Variants in CRACR2A observed in about 807,000 individuals in gnomAD.
CRACR2A encodes calcium release activated channel regulator 2A.
Under a neutral mutation model 90.5 loss-of-function variants are expected in CRACR2A, and 79 were observed. The ratio of observed to expected loss-of-function variants is 0.87; its 90% CI spans 0.73 to 1.05. CRACR2A has a LOEUF of 1.05. Among genes scored for constraint, CRACR2A ranks in the 50% least tolerant of loss-of-function variants. The probability of loss-of-function intolerance (pLI) is 0.00; values close to 1 mark genes in which losing one functional copy is unlikely to be tolerated. For synonymous variants in CRACR2A, 338 were observed against 356.7 expected (o/e 0.95, Z 0.59); for missense variants, 823 against 897.2 (o/e 0.92, Z 1.06).
At chr12:3,732,418 T>G (rs1946374616) in intron 2 of CRACR2A, 2 of 152,356 alleles carry the variant, frequency 1.3e-5, no homozygotes, top group African/African-American at 4.8e-5. Context: ...AATTGCACTG[T>G]GCTCCCAGCT....
At chr12:3,647,753 A>G (rs779240501) in intron 11 of CRACR2A, among the ~76,000 whole-genome samples, 8 of 152,172 alleles carry the variant, frequency 5.3e-5, no homozygotes, top group Non-Finnish European at 1.2e-4. Context: ...CCTTCATAAC[A>G]TAACTAGGAA....
intron 15 of CRACR2A, among the ~76,000 whole-genome samples, chr12:3,628,135 A>C (rs1306153649): frequency 2.6e-3 from 189 of 71,732 alleles, no homozygotes; most frequent in African/African-American, 3.8e-3. Context: ...CCCTTCCTTC[A>C]CCCTTCCTCC....
At chr12:3,680,090 G>A in intron 5 of CRACR2A, 148 bp downstream of exon 5, 1 of 609,992 alleles carries the variant, frequency 1.6e-6, no homozygotes, top group Admixed American at 2.8e-5. Context: ...GCAATCTAGA[G>A]CCTGGAGACC....
intron 1 of CRACR2A, among the ~76,000 whole-genome samples, chr12:3,752,345 C>G (rs1345479991): frequency 1.4e-4 from 3 of 21,948 alleles, no homozygotes; most frequent in African/African-American, 2.6e-4. Flanking sequence ...CGGACACACA[C>G]ACACACACAC....
chr12:3,702,265 C>A (rs1009997482), intron 3 of CRACR2A, among the ~76,000 whole-genome samples: 1 of 152,136 alleles, frequency 6.6e-6, no homozygotes, highest in Admixed American at 6.5e-5. Flanking sequence ...TCTGTTCTTA[C>A]CACTTCTATT....
At chr12:3,739,250 C>T (rs1331192216) in intron 1 of CRACR2A, among the ~76,000 whole-genome samples, 6 of 152,174 alleles carry the variant, frequency 3.9e-5, no homozygotes, top group Admixed American at 1.3e-4. Flanking sequence ...TATCTTGCTG[C>T]CATCTCTTGC....
At chr12:3,651,468 ATTAC>A (rs1449330733) in intron 10 of CRACR2A, among the ~76,000 whole-genome samples, 2 of 152,220 alleles carry the variant, frequency 1.3e-5, no homozygotes, top group African/African-American at 2.4e-5. Context: ...CCTTGTCATA[ATTAC>A]TTACTCAAAA....
At position 3,634,123 on chromosome 12, in the gene CRACR2A, G is replaced by T. The variant is rs555290116; in HGVS notation, c.1603-387C>A. Among the ~76,000 whole-genome samples, 267 of 152,276 alleles carry T rather than the reference G, an allele frequency of 1.8e-3. 1 individual carries two copies. The highest frequency in any genetic ancestry group is 5.8e-4 in the East Asian group (3 of 5,170). ...GGATCTGAGCGGTGGCTTCAAGAGGGGGCAGGAATTCTTTCTGTGGGGAAG... is the reference window on the plus strand; with the variant it reads ...GGATCTGAGCGGTGGCTTCAAGAGGTGGCAGGAATTCTTTCTGTGGGGAAG... On this transcript the variant is annotated intron_variant, in intron 14 of 19. Coordinates refer to ENST00000440314, the MANE Select transcript of CRACR2A (RefSeq NM_001144958.2).
intron 3 of CRACR2A, among the ~76,000 whole-genome samples, chr12:3,700,358 T>G (rs964933036): frequency 6.6e-6 from 1 of 152,226 alleles, no homozygotes; most frequent in Non-Finnish European, 1.5e-5. Context: ...GAACCCCAAG[T>G]GTGCCCTGTC....
intron 3 of CRACR2A, among the ~76,000 whole-genome samples, chr12:3,706,557 C>T (rs1945925241): frequency 6.6e-6 from 1 of 152,202 alleles, no homozygotes; most frequent in Non-Finnish European, 1.5e-5. Flanking sequence ...TCATTTTCCT[C>T]ATCTGTAAAA....
intron 11 of CRACR2A, chr12:3,648,254 C>T (rs1292716435): frequency 3.8e-6 from 5 of 1,307,412 alleles, no homozygotes; most frequent in East Asian, 5.4e-5. Flanking sequence ...GCTCTGCTCG[C>T]ATGAGATCAA....
chr12:3,649,446 A>G (rs1174837885), intron 10 of CRACR2A, among the ~76,000 whole-genome samples: 1 of 151,992 alleles, frequency 6.6e-6, no homozygotes, highest in East Asian at 1.9e-4. Flanking sequence ...TGGAAGAATC[A>G]CCTTCTCTTT....
intron 5 of CRACR2A, 59 bp downstream of exon 5, chr12:3,680,179 C>CTTA: frequency 7.0e-7 from 1 of 1,423,254 alleles, no homozygotes; most frequent in Non-Finnish European, 9.9e-7. Context: ...AGGAATGCAC[C>CTTA]TTATACAGTG....
chr12:3,653,215 T>C (rs1196597558), intron 10 of CRACR2A, among the ~76,000 whole-genome samples: 2 of 150,530 alleles, frequency 1.3e-5, no homozygotes, highest in African/African-American at 4.9e-5. Context: ...ACTCCTGACC[T>C]TGTAATCTGC....
chr12:3,624,686 T>A (rs1253662580), intron 17 of CRACR2A, among the ~76,000 whole-genome samples: 3 of 152,158 alleles, frequency 2.0e-5, no homozygotes, highest in African/African-American at 7.2e-5. Flanking sequence ...TGGTGAGGGG[T>A]CACAGGCATC....
chr12:3,640,976 A>C (rs1332015004), intron 13 of CRACR2A, among the ~76,000 whole-genome samples: 1 of 152,236 alleles, frequency 6.6e-6, no homozygotes, highest in Non-Finnish European at 1.5e-5. Flanking sequence ...CTTGTCTGTA[A>C]AAGGAGTTAA....
intron 8 of CRACR2A, among the ~76,000 whole-genome samples, chr12:3,657,250 C>G (rs1190050140): frequency 6.6e-6 from 1 of 152,252 alleles, no homozygotes; most frequent in Non-Finnish European, 1.5e-5. Context: ...CCATCTGCAG[C>G]ACTCCACTTG....
rs1565459277 is a variant in CRACR2A at position 3,619,258 on chromosome 12, G to A, written c.2034+13C>T. ...ACACTCTGTCCAGAGAGATGGAAATGCTTGCTCTTTACCGTGGCAAGCTGC... is the reference window on the plus strand; with the variant it reads ...ACACTCTGTCCAGAGAGATGGAAATACTTGCTCTTTACCGTGGCAAGCTGC... On this transcript the variant is annotated intron_variant, in intron 18 of 19. Transcript: ENST00000440314. 3.2e-6 allele frequency: 5 copies of A among 1,548,454 alleles called. No individual in the cohort carries two copies. Among genetic ancestry groups the A allele is most frequent in the Middle Eastern group, 1.7e-4 (1 of 5,982 alleles).
chr12:3,681,730 AG>A (rs1157909611), intron 4 of CRACR2A, among the ~76,000 whole-genome samples: 4 of 152,240 alleles, frequency 2.6e-5, no homozygotes, highest in Admixed American at 2.6e-4. Context: ...ACAATAAAAA[AG>A]AGCTGGCAGG....
Sources: gnomAD v4.1 joint callset for allele counts (sites outside exome capture counted in the v4.1 genomes callset) on GRCh38, gnomAD v4.1.1 for gene constraint, MANE v1.5 for transcripts, NCBI Gene and HGNC (gene_info 2026-07-23, HGNC 2026-07-21) for gene names.